The following L3MBTL4 variants were observed in gnomAD, a reference collection of about 807,000 sequenced individuals.
The protein encoded by L3MBTL4 is L3MBTL histone methyl-lysine binding protein 4, also known as lethal(3)malignant brain tumor-like protein 4.
L3MBTL4 carries 70 observed loss-of-function variants against 84.5 expected under a neutral mutation model. The ratio of observed to expected loss-of-function variants is 0.83; its 90% CI spans 0.68 to 1.01. L3MBTL4 has a LOEUF of 1.01. Ranked by LOEUF, L3MBTL4 falls within the 50% of genes least tolerant of loss-of-function variation. The probability of loss-of-function intolerance (pLI) is 0.00; values close to 1 mark genes in which losing one functional copy is unlikely to be tolerated. For missense variants in L3MBTL4, 715 were observed against 754.8 expected (o/e 0.95, Z 0.62); for synonymous variants, 274 against 259.8 (o/e 1.05, Z -0.52).
intron 14 of L3MBTL4, among the ~76,000 whole-genome samples, chr18:6,102,188 C>T (rs2058854947): frequency 6.6e-6 from 1 of 152,196 alleles, no homozygotes. Context: ...TTCAGCAGCT[C>T]AGCAGCACAT....
At chr18:6,138,708 C>G (rs965229385) in intron 13 of L3MBTL4, among the ~76,000 whole-genome samples, 4 of 152,090 alleles carry the variant, frequency 2.6e-5, no homozygotes, top group Non-Finnish European at 5.9e-5. Flanking sequence ...AGCACCACCA[C>G]GCCCAGCTAA....
At chr18:6,402,082 T>C (rs1458451097) in intron 1 of L3MBTL4, among the ~76,000 whole-genome samples, 2 of 152,232 alleles carry the variant, frequency 1.3e-5, no homozygotes, top group Non-Finnish European at 2.9e-5. Context: ...TAATGATCAA[T>C]ATCTGCATCA....
At position 6,301,930 on chromosome 18, in the gene L3MBTL4, T is replaced by G; in HGVS notation, c.100A>C (p.Lys34Gln). 1 of 1,613,516 alleles carries G rather than the reference T, an allele frequency of 6.2e-7. No homozygotes were observed. The part of the protein sequence containing the change: ...LEQAEEEKKP[K>Q]DSTTPLSHVP... ...TGACTCAAAGGGGTTGTGCTATCCTTGGGCTTCTTTTCCTCTTCAGCTTGC... is the reference window on the plus strand; with the variant it reads ...TGACTCAAAGGGGTTGTGCTATCCTGGGGCTTCTTTTCCTCTTCAGCTTGC... Residue 34 changes from lysine (K) to glutamine (Q), a missense_variant, in exon 4 of 19, where the codon AAG becomes CAG. By Grantham distance (53) the Lys-to-Gln change is moderately conservative. Coordinates refer to ENST00000317931, the MANE Select transcript of L3MBTL4 (RefSeq NM_001330559.2).
At chr18:6,291,918 C>T (rs2049883354) in intron 4 of L3MBTL4, among the ~76,000 whole-genome samples, 2 of 152,156 alleles carry the variant, frequency 1.3e-5, no homozygotes, top group African/African-American at 4.8e-5. Context: ...AGACAACCCA[C>T]AGAATGGGGG....
At chr18:6,378,672 G>C (rs776117112) in intron 1 of L3MBTL4, among the ~76,000 whole-genome samples, 6 of 152,146 alleles carry the variant, frequency 3.9e-5, no homozygotes, top group Non-Finnish European at 5.9e-5. Flanking sequence ...TGTTCTGTTG[G>C]TCTATATGTC....
At chr18:5,975,829 T>G (rs1258007443) in intron 16 of L3MBTL4, among the ~76,000 whole-genome samples, 3 of 152,236 alleles carry the variant, frequency 2.0e-5, no homozygotes, top group Admixed American at 1.3e-4. Flanking sequence ...GTTTCTTAGA[T>G]GCCAAGTCAT....
At chr18:6,263,740 C>G (rs2048509409) in intron 5 of L3MBTL4, among the ~76,000 whole-genome samples, 1 of 152,178 alleles carries the variant, frequency 6.6e-6, no homozygotes, top group Non-Finnish European at 1.5e-5. Context: ...ATGACTTGCC[C>G]AAGGTCACAG....
chr18:6,359,753 G>T (rs980062791), intron 1 of L3MBTL4, among the ~76,000 whole-genome samples: 1 of 151,984 alleles, frequency 6.6e-6, no homozygotes, highest in Non-Finnish European at 1.5e-5. Flanking sequence ...AGATCCTTAC[G>T]CAAAGGAGAC....
chr18:6,099,971 C>A (rs1289683971), intron 14 of L3MBTL4, among the ~76,000 whole-genome samples: 1 of 152,046 alleles, frequency 6.6e-6, no homozygotes, highest in African/African-American at 2.4e-5. Flanking sequence ...ATATTATAAT[C>A]TTCTGTATGT....
intron 15 of L3MBTL4, among the ~76,000 whole-genome samples, chr18:6,090,354 G>A (rs2058401896): frequency 6.6e-6 from 1 of 151,976 alleles, no homozygotes; most frequent in South Asian, 2.1e-4. Context: ...ACTAAATCAT[G>A]CAGTGGAGTC....
chr18:6,045,862 G>A (rs1180452931), intron 16 of L3MBTL4, among the ~76,000 whole-genome samples: 1 of 152,166 alleles, frequency 6.6e-6, no homozygotes, highest in Admixed American at 6.5e-5. Context: ...CAACTTCGCA[G>A]TAGGATCAAA....
Position 6,108,410 on chromosome 18 carries a change from A to C in L3MBTL4, c.1200-14882T>G, listed in dbSNP as rs183650521. ...GTTACAATAGAAATTTTCCAGTTGC[A>C]TGTGTTGTTGGCAAATCTGTGTGGA... On this transcript the variant is annotated intron_variant, in intron 14 of 18. Coordinates refer to ENST00000317931, the MANE Select transcript of L3MBTL4 (RefSeq NM_001330559.2). Among the ~76,000 whole-genome samples, 14 of 152,264 alleles carry C rather than the reference A, an allele frequency of 9.2e-5. No individual in the cohort carries two copies. The East Asian group carries it at 2.5e-3, about 27-fold the overall frequency.
rs184532264 is a variant in L3MBTL4, at chr18:5,995,923, A to C, written c.1445-26361T>G. Among the ~76,000 whole-genome samples, 199 of 152,320 alleles carry C rather than the reference A, an allele frequency of 1.3e-3. 2 individuals carry two copies. Among genetic ancestry groups the C allele is most frequent in the Non-Finnish European group, 2.9e-4 (20 of 68,030 alleles). Reference sequence around the variant, plus strand: ...TTTGAGTTTTCAATTTCCATGAAAAAAGGGCAGGAGATTTTTGTTTATTAA... The same window carrying C: ...TTTGAGTTTTCAATTTCCATGAAAACAGGGCAGGAGATTTTTGTTTATTAA... On this transcript the variant is annotated intron_variant, in intron 16 of 18. Coordinates refer to ENST00000317931, the MANE Select transcript of L3MBTL4 (RefSeq NM_001330559.2).
At chr18:6,123,888 C>G (rs1005752778) in intron 14 of L3MBTL4, among the ~76,000 whole-genome samples, 12 of 152,158 alleles carry the variant, frequency 7.9e-5, no homozygotes, top group African/African-American at 2.9e-4. Context: ...GACGAAATGA[C>G]AGTTTCCATT....
chr18:6,009,493 A>G (rs1277172944), intron 16 of L3MBTL4, among the ~76,000 whole-genome samples: 2 of 152,158 alleles, frequency 1.3e-5, no homozygotes, highest in Non-Finnish European at 2.9e-5. Context: ...CCTAAAGGCC[A>G]GTTTTAGTAC....
At chr18:6,156,566 G>A (rs992896736) in intron 13 of L3MBTL4, among the ~76,000 whole-genome samples, 4 of 152,106 alleles carry the variant, frequency 2.6e-5, no homozygotes, top group African/African-American at 9.7e-5. Flanking sequence ...CTTCTGAAAG[G>A]GTTAAATCTC....
Position 6,138,276 on chromosome 18 carries a change from G to T in L3MBTL4, c.1117C>A (p.Leu373Ile), listed in dbSNP as rs202192251. 7.3e-5 allele frequency: 118 copies of T among 1,610,766 alleles called. 1 individual carries two copies. The South Asian group carries it at 8.9e-4, about 12-fold the overall frequency. ...GTAGGACAGACAGCTTGACCTGGAA[G>T]GATCTTCAGGTCATTCGTTCCTTCA... ...VPQRTNDLKI[L>I]PGQAVCPTPG... Residue 373 changes from leucine (L) to isoleucine (I), a missense_variant, in exon 14 of 19, where the codon CTT becomes ATT. Physicochemically the swap from Leu to Ile is conservative, Grantham distance 5 (BLOSUM62 2). Coordinates refer to ENST00000317931, the MANE Select transcript of L3MBTL4 (RefSeq NM_001330559.2).
In L3MBTL4 at chr18:6,031,119, A is replaced by T. The variant is rs145865541; in HGVS notation, c.1444+49762T>A. 2.6e-3 allele frequency: 2,586 copies of T among 985,462 alleles called. 29 individuals are homozygous for T. In the South Asian group the frequency reaches 0.027, roughly 10 times the overall value. 61.0% of individuals were successfully genotyped at this position (985,462 alleles called of 1,614,324 possible). ...GGGTTTGTGATCATGGAGAAAAGCC[A>T]CACGTGATCCAAGTTCTAAACCCAG... On this transcript the variant is annotated intron_variant, in intron 16 of 18. Coordinates refer to ENST00000317931, the MANE Select transcript of L3MBTL4 (RefSeq NM_001330559.2).
chr18:6,259,912 T>C (rs1219788295), intron 5 of L3MBTL4: 2 of 152,230 alleles, frequency 1.3e-5, no homozygotes, highest in African/African-American at 2.4e-5. Flanking sequence ...AGAACTCTTA[T>C]AGTTTGAGGT....
Sources: gnomAD v4.1 joint callset for allele counts (sites outside exome capture counted in the v4.1 genomes callset) on GRCh38, gnomAD v4.1.1 for gene constraint, MANE v1.5 for transcripts, NCBI Gene and HGNC (gene_info 2026-07-23, HGNC 2026-07-21) for gene names.